Variants in BMPR2 observed in about 807,000 individuals in gnomAD.
The protein encoded by BMPR2 is bone morphogenetic protein receptor type 2.
In BMPR2, 29 loss-of-function variants were observed where a neutral mutation model predicts 100.8. That is an observed-to-expected ratio of 0.29 (90% CI 0.21 to 0.39). The LOEUF (loss-of-function observed/expected upper bound fraction) is 0.39, where lower values mean the gene tolerates loss of function less well. Ranked by LOEUF, BMPR2 falls within the 10% of genes least tolerant of loss-of-function variation. The pLI is 1.00. For missense variants in BMPR2, 1,011 were observed against 1,274.5 expected (o/e 0.79, Z 3.15); for synonymous variants, 382 against 442.3 (o/e 0.86, Z 1.71).
rs1026907843 is a variant in BMPR2 at position 202,560,768 on chromosome 2, G to C, written c.*822G>C. On this transcript the variant is annotated 3_prime_UTR_variant, in exon 13 of 13. Coordinates refer to ENST00000374580, the MANE Select transcript of BMPR2 (RefSeq NM_001204.7). ...TCAAGGCATCTTAATAAACTTATTT[G>C]CTTCTGGTTTTGGGAGTTCATAAGA... The C allele has an allele frequency of 2.6e-5, 4 of 152,494 alleles. No homozygotes were observed. The highest frequency in any genetic ancestry group is 2.6e-4 in the Admixed American group (4 of 15,262). 9.4% of individuals were successfully genotyped at this position (152,494 alleles called of 1,614,324 possible).
At chr2:202,535,508 C>T (rs1307750112) in intron 9 of BMPR2, among the ~76,000 whole-genome samples, 1 of 151,296 alleles carries the variant, frequency 6.6e-6, no homozygotes, top group Non-Finnish European at 1.5e-5. Context: ...AGAGACGCTC[C>T]TCACTTCCTA....
rs942854473 is a variant in BMPR2 at position 202,433,199 on chromosome 2, G to C, written c.77-31610G>C. On this transcript the variant is annotated intron_variant, in intron 1 of 12. Coordinates refer to ENST00000374580, the MANE Select transcript of BMPR2 (RefSeq NM_001204.7). ...CTTTACTGGACCTCCAGGATCTTTA[G>C]GACTTGTATTAGTCAGGATTCTCCA... is the stretch of plus-strand genomic sequence containing the variant. 3.3e-5 allele frequency among the ~76,000 whole-genome samples: 5 copies of C among 150,426 alleles called. 1 individual carries two copies. The highest frequency in any genetic ancestry group is 4.4e-5 in the Non-Finnish European group (3 of 68,014).
intron 10 of BMPR2, among the ~76,000 whole-genome samples, chr2:202,550,358 G>GC (rs1688455030): frequency 7.0e-6 from 1 of 143,862 alleles, no homozygotes; most frequent in Non-Finnish European, 1.5e-5. Context: ...GGGCGACAGA[G>GC]CGAGACTCCT....
intron 1 of BMPR2, among the ~76,000 whole-genome samples, chr2:202,455,763 A>G (rs745310298): frequency 3.3e-5 from 5 of 151,910 alleles, no homozygotes; most frequent in Non-Finnish European, 7.4e-5. Flanking sequence ...TGTACTTTTT[A>G]TCTTAAAATT....
At position 202,475,358 on chromosome 2, in the gene BMPR2, C is replaced by T. The variant is rs1574468067; in HGVS notation, c.418+7669C>T. 3.3e-5 allele frequency among the ~76,000 whole-genome samples: 5 copies of T among 152,124 alleles called. No individual in the cohort carries two copies. In the East Asian group the frequency reaches 9.7e-4, roughly 29 times the overall value. On this transcript the variant is annotated intron_variant, in intron 3 of 12. Transcript: ENST00000374580. Reference sequence around the variant, plus strand: ...CACATTTTTATACTTTTTCAAAATACTAGTGTAACATCTCACGTACCCCAT... The same window carrying T: ...CACATTTTTATACTTTTTCAAAATATTAGTGTAACATCTCACGTACCCCAT...
chr2:202,401,517 G>A (rs759124853), intron 1 of BMPR2, among the ~76,000 whole-genome samples: 1 of 152,144 alleles, frequency 6.6e-6, no homozygotes, highest in Non-Finnish European at 1.5e-5. Flanking sequence ...AGTGTGGCAC[G>A]CCAACTGAAA....
chr2:202,452,526 A>G (rs994529197), intron 1 of BMPR2, among the ~76,000 whole-genome samples: 5 of 152,136 alleles, frequency 3.3e-5, no homozygotes, highest in Admixed American at 6.6e-5. Flanking sequence ...GCTTGTGCCT[A>G]TAGTCCCAAC....
intron 1 of BMPR2, among the ~76,000 whole-genome samples, chr2:202,383,456 T>C (rs1690343184): frequency 1.3e-5 from 2 of 152,124 alleles, no homozygotes; most frequent in Admixed American, 1.3e-4. Flanking sequence ...CAAGGTGGGC[T>C]GATCACCTGA....
chr2:202,520,427 A>G, intron 7 of BMPR2: 3 of 562,408 alleles, frequency 5.3e-6, no homozygotes, highest in Middle Eastern at 4.8e-4. Context: ...TTGATAGCTG[A>G]GTAAAACTCC....
chr2:202,379,988 G>C (rs1690242134), intron 1 of BMPR2, among the ~76,000 whole-genome samples: 1 of 152,120 alleles, frequency 6.6e-6, no homozygotes, highest in African/African-American at 2.4e-5. Flanking sequence ...CTCCAGACTA[G>C]CTGAGATTAC....
rs1159400445 is a variant in BMPR2, at chr2:202,380,965, CTTTTTTT to C, written c.76+3436_76+3442del. Among the ~76,000 whole-genome samples the C allele has an allele frequency of 1.1e-3, 77 of 70,790 alleles. 2 individuals carry two copies. Among genetic ancestry groups the C allele is most frequent in the Non-Finnish European group, 1.3e-3 (47 of 35,980 alleles). The allele number at this position is 70,790 out of a possible 152,430, so 46.4% of individuals were successfully genotyped here. A position where few individuals can be genotyped will look rare whatever the true frequency, so the allele number is the denominator to read the frequency against. ...GCCCTGGCCCTGGATTTCTTTCTTT[CTTTTTTT>C]TTTTTTTTTTTTTTTTTTTTGAGAC... is the stretch of plus-strand genomic sequence containing the variant. On this transcript the variant is annotated intron_variant, in intron 1 of 12. Coordinates refer to ENST00000374580, the MANE Select transcript of BMPR2 (RefSeq NM_001204.7).
intron 3 of BMPR2, among the ~76,000 whole-genome samples, chr2:202,496,763 C>T (rs1363573216): frequency 6.6e-6 from 1 of 152,272 alleles, no homozygotes; most frequent in Non-Finnish European, 1.5e-5. Flanking sequence ...CCTTACCGCC[C>T]TCGCTCGCTC....
rs1484078421 is a variant in BMPR2 at position 202,404,195 on chromosome 2, T to G, written c.76+26645T>G. ...AAATTTGTCTTGTTTCTTTGGGTTG[T>G]TTTTTTTTTTTTTTGAGATGGAGTC... On this transcript the variant is annotated intron_variant, in intron 1 of 12. Transcript: ENST00000374580. Among the ~76,000 whole-genome samples, 27 of 105,832 alleles carry G rather than the reference T, an allele frequency of 2.6e-4. 1 individual carries two copies. In the East Asian group the frequency reaches 5.3e-3, roughly 21 times the overall value. The allele number at this position is 105,832 out of a possible 152,430, so 69.4% of individuals were successfully genotyped here.
At chr2:202,458,429 C>T (rs1400236316) in intron 1 of BMPR2, among the ~76,000 whole-genome samples, 1 of 151,916 alleles carries the variant, frequency 6.6e-6, no homozygotes, top group African/African-American at 2.4e-5. Context: ...AAGGTTGTGC[C>T]ACTGCACTCA....
intron 1 of BMPR2, among the ~76,000 whole-genome samples, chr2:202,441,990 G>A (rs931467720): frequency 2.7e-5 from 4 of 149,772 alleles, no homozygotes; most frequent in East Asian, 3.9e-4. Context: ...CCGAGATCAC[G>A]CCATTGCACT....
intron 5 of BMPR2, 81 bp downstream of exon 5, chr2:202,515,060 A>G (rs1394392853): frequency 7.5e-7 from 1 of 1,336,338 alleles, no homozygotes; most frequent in Non-Finnish European, 1.1e-6. Context: ...AATCATTAAG[A>G]CATTCATTCA....
At chr2:202,456,490 T>G (rs914172383) in intron 1 of BMPR2, among the ~76,000 whole-genome samples, 1 of 151,560 alleles carries the variant, frequency 6.6e-6, no homozygotes, top group Non-Finnish European at 1.5e-5. Context: ...TTGGTTCTAT[T>G]TATGTAGCAC....
intron 1 of BMPR2, among the ~76,000 whole-genome samples, chr2:202,434,923 A>ATTTT (rs1410687108): frequency 8.5e-6 from 1 of 117,972 alleles, no homozygotes. Context: ...ATATATATAT[A>ATTTT]TATATATATA....
chr2:202,427,494 GAA>G (rs559143664), intron 1 of BMPR2, among the ~76,000 whole-genome samples: 1 of 131,788 alleles, frequency 7.6e-6, no homozygotes. Flanking sequence ...TAAGTAAAAA[GAA>G]AAAAAAAAAA....
Sources: allele counts gnomAD v4.1 joint callset (sites outside exome capture counted in the v4.1 genomes callset), GRCh38; gene constraint gnomAD v4.1.1; transcripts MANE v1.5; gene names NCBI Gene and HGNC (gene_info 2026-07-23, HGNC 2026-07-21).